MATN2: variants seen among roughly 807,000 people sequenced by gnomAD.
MATN2 encodes the protein matrilin 2, also known as matrilin-2.
MATN2 carries 69 observed loss-of-function variants against 103.2 expected under a neutral mutation model. That is an observed-to-expected ratio of 0.67 (90% CI 0.55 to 0.82). The LOEUF is 0.82. Ranked by LOEUF, MATN2 falls within the 40% of genes least tolerant of loss-of-function variation. The probability of loss-of-function intolerance (pLI) is 0.00; values close to 1 mark genes in which losing one functional copy is unlikely to be tolerated. For missense variants in MATN2, 1,023 were observed against 1,211.5 expected (o/e 0.84, Z 2.31); for synonymous variants, 429 against 450.2 (o/e 0.95, Z 0.60).
chr8:97,967,827 A>T (rs1811534909), intron 5 of MATN2, among the ~76,000 whole-genome samples: 1 of 152,206 alleles, frequency 6.6e-6, no homozygotes. Context: ...TCACAGCTCC[A>T]CTAGGCAGTG....
intron 1 of MATN2, among the ~76,000 whole-genome samples, chr8:97,884,445 G>A (rs1818358990): frequency 6.6e-6 from 1 of 152,108 alleles, no homozygotes; most frequent in African/African-American, 2.4e-5. Flanking sequence ...AGTCAACAGT[G>A]TATACTATTG....
chr8:97,919,522 A>G (rs2513822), intron 2 of MATN2, among the ~76,000 whole-genome samples: 49,622 of 152,058 alleles, frequency 0.33, 8,923 homozygotes, highest in East Asian at 0.72. Flanking sequence ...ATGAGCCACG[A>G]TGCCCAGCCG....
At chr8:97,932,756 C>T (rs1262885961) in intron 3 of MATN2, among the ~76,000 whole-genome samples, 5 of 152,216 alleles carry the variant, frequency 3.3e-5, no homozygotes, top group South Asian at 4.1e-4. Context: ...AATGTCCCAC[C>T]CTGACTTGTC....
At chr8:98,003,381 C>CTCTGCAT (rs1812849841) in intron 7 of MATN2, among the ~76,000 whole-genome samples, 1 of 152,178 alleles carries the variant, frequency 6.6e-6, no homozygotes, top group South Asian at 2.1e-4. Context: ...CTGCTCTGTG[C>CTCTGCAT]TCTGCATTGT....
At chr8:97,955,255 A>G (rs1811106514) in intron 4 of MATN2, among the ~76,000 whole-genome samples, 1 of 152,210 alleles carries the variant, frequency 6.6e-6, no homozygotes. Flanking sequence ...AGGCAGGAGC[A>G]GATTACTCTG....
At chr8:97,898,044 T>C (rs973710348) in intron 2 of MATN2, among the ~76,000 whole-genome samples, 4 of 152,156 alleles carry the variant, frequency 2.6e-5, no homozygotes, top group Non-Finnish European at 5.9e-5. Context: ...TCCTTGATCT[T>C]TCCCTCTCCA....
rs1817945637 is a variant in MATN2, at chr8:97,872,903, C to T, written c.-27+3616C>T. On this transcript the variant is annotated intron_variant, in intron 1 of 18. Coordinates refer to ENST00000254898, the MANE Select transcript of MATN2 (RefSeq NM_002380.5). The stretch of plus-strand genomic sequence containing the variant: ...TCCGCCTCCCAGGTTCAAGTGTTCT[C>T]CTGCTTCAGCCTCCCAAATAGATGG... Among the ~76,000 whole-genome samples, 3 of 151,938 alleles carry T rather than the reference C, an allele frequency of 2.0e-5. No individual in the cohort carries two copies. The South Asian group carries it at 6.3e-4, about 32-fold the overall frequency.
At chr8:97,902,948 C>T (rs1819039638) in intron 2 of MATN2, among the ~76,000 whole-genome samples, 1 of 152,146 alleles carries the variant, frequency 6.6e-6, no homozygotes. Flanking sequence ...GGTTTGGGGA[C>T]CCAGCTGTTT....
At chr8:98,021,033 G>A in intron 12 of MATN2, 172 bp from the exon 13 acceptor site, 1 of 545,448 alleles carries the variant, frequency 1.8e-6, no homozygotes, top group Non-Finnish European at 3.2e-6. Context: ...TTTCTGAGAG[G>A]AGCTTTTTCC....
intron 2 of MATN2, among the ~76,000 whole-genome samples, chr8:97,927,068 C>A (rs902765777): frequency 9.2e-5 from 14 of 152,184 alleles, no homozygotes; most frequent in African/African-American, 3.4e-4. Context: ...GAAATGGAAA[C>A]CTACAGAATC....
chr8:97,973,873 C>T (rs1811745339), intron 5 of MATN2, among the ~76,000 whole-genome samples: 1 of 151,884 alleles, frequency 6.6e-6, no homozygotes. Flanking sequence ...ATAAACCATA[C>T]CCATAATGTG....
intron 2 of MATN2, among the ~76,000 whole-genome samples, chr8:97,897,628 T>A (rs950999971): frequency 1.3e-5 from 2 of 152,236 alleles, no homozygotes; most frequent in East Asian, 1.9e-4. Context: ...AATTTTTTTT[T>A]AAACCTTTGA....
chr8:98,027,338 T>G (rs1813843248), intron 13 of MATN2, 78 bp from the exon 14 acceptor site: 6 of 1,321,198 alleles, frequency 4.5e-6, no homozygotes, highest in Non-Finnish European at 6.2e-6. Flanking sequence ...TGCCTCCAAT[T>G]GAAGCATCAT....
At chr8:97,945,894 G>A (rs1006647362) in intron 4 of MATN2, among the ~76,000 whole-genome samples, 1 of 151,996 alleles carries the variant, frequency 6.6e-6, no homozygotes, top group Non-Finnish European at 1.5e-5. Context: ...TGTCCCAGAG[G>A]GGTGATGGTT....
At chr8:97,953,832 C>T (rs1248213496) in intron 4 of MATN2, among the ~76,000 whole-genome samples, 3 of 147,448 alleles carry the variant, frequency 2.0e-5, no homozygotes, top group South Asian at 2.1e-4. Context: ...TATGGTGGTG[C>T]GTACCTTTAG....
At chr8:98,013,430 G>A (rs1332838132) in intron 10 of MATN2, among the ~76,000 whole-genome samples, 2 of 152,206 alleles carry the variant, frequency 1.3e-5, no homozygotes, top group Non-Finnish European at 2.9e-5. Context: ...CCTGTGAGGT[G>A]GATCTAATTA....
In MATN2 at chr8:97,896,893, G is replaced by GGGCA. The variant is rs1818827980; in HGVS notation, c.142+8653_142+8656dup. Among the ~76,000 whole-genome samples, 7 of 150,998 alleles carry GGGCA rather than the reference G, an allele frequency of 4.6e-5. No individual in the cohort carries two copies. In the South Asian group the frequency reaches 1.5e-3, roughly 32 times the overall value. On this transcript the variant is annotated intron_variant, in intron 2 of 18. Transcript: ENST00000254898. The stretch of plus-strand genomic sequence containing the variant: ...TGGGATCAGGCAACACAGTAGGGCT[G>GGGCA]GGCAGTGGGATCTGGCAACACGACA...
chr8:98,025,681 A>G lies in MATN2; in HGVS notation c.1943-1735A>G, dbSNP rs144920432. ...GAATCGCTTGAACCTGGGAGGCAGA[A>G]GTTGCAGTAAGCCAAGATCGCGCCA... On this transcript the variant is annotated intron_variant, in intron 13 of 18. Transcript: ENST00000254898. 1,580 of 371,808 alleles carry G rather than the reference A, an allele frequency of 4.2e-3. 15 individuals carry two copies. Among genetic ancestry groups the G allele is most frequent in the African/African-American group, 0.031 (1,418 of 45,318 alleles). The allele number at this position is 371,808 out of a possible 1,614,324, so 23.0% of individuals were successfully genotyped here.
intron 2 of MATN2, among the ~76,000 whole-genome samples, chr8:97,895,919 A>G (rs1378226163): frequency 6.6e-6 from 1 of 152,230 alleles, no homozygotes; most frequent in Non-Finnish European, 1.5e-5. Context: ...CCTTTATGGA[A>G]AGGATGCATG....
Sources: allele counts gnomAD v4.1 joint callset (sites outside exome capture counted in the v4.1 genomes callset), GRCh38; gene constraint gnomAD v4.1.1; transcripts MANE v1.5; gene names NCBI Gene and HGNC (gene_info 2026-07-23, HGNC 2026-07-21).